SPATA31C2: variants seen among roughly 807,000 people sequenced by gnomAD.
The protein encoded by SPATA31C2 is SPATA31 subfamily C member 2.
In SPATA31C2, 5 loss-of-function variants were observed where a neutral mutation model predicts 11.4. That is an observed-to-expected ratio of 0.44 (90% CI 0.23 to 0.92). The LOEUF is 0.92. SPATA31C2 is among the 40% of genes least tolerant of loss of function. SPATA31C2 has a pLI of 0.24. For synonymous variants in SPATA31C2, 515 were observed against 538.7 expected, an observed-to-expected ratio of 0.96 and a Z score of 0.61; for missense variants, 1,353 against 1,368.6, an observed-to-expected ratio of 0.99 and a Z score of 0.18.
intron 1 of SPATA31C2, among the ~76,000 whole-genome samples, chr9:88,137,223 G>A (rs1825693334): frequency 6.7e-6 from 1 of 148,588 alleles, no homozygotes. Flanking sequence ...ACAACCAACT[G>A]ACTTTTGAAA....
Position 88,131,372 on chromosome 9 carries a change from C to T in SPATA31C2, c.1665G>A (p.Leu555=). 6.2e-7 allele frequency: 1 copy of T among 1,612,000 alleles called. No individual in the cohort carries two copies. The highest frequency in any genetic ancestry group is 8.5e-7 in the Non-Finnish European group (1 of 1,179,860). ...EESERNLRKP[L]RSDSGSDLLR... Reference sequence around the variant, plus strand: ...ATAAATCACTTCCTGAGTCACTCCTCAAGGGCTTCCTCAGGTTCCTTTCCG... The same window carrying T: ...ATAAATCACTTCCTGAGTCACTCCTTAAGGGCTTCCTCAGGTTCCTTTCCG... The change falls in exon 4 of 4, where the codon TTG becomes TTA. Residue 555 remains leucine (L), a synonymous_variant. Transcript: ENST00000324915.
chr9:88,130,863 A>T lies in SPATA31C2; in HGVS notation c.2174T>A (p.Val725Asp), dbSNP rs1459602279. 6.2e-7 allele frequency: 1 copy of T among 1,613,684 alleles called. No individual in the cohort carries two copies. Among genetic ancestry groups the T allele is most frequent in the Non-Finnish European group, 8.5e-7 (1 of 1,179,868 alleles). The change falls in exon 4 of 4, where the codon GTT becomes GAT. Residue 725 changes from valine to aspartate, a missense_variant. Transcript: ENST00000324915. ...LRKQVLTKPSVHMPERLQASS... is the reference protein window; with the variant it reads ...LRKQVLTKPSDHMPERLQASS... ...GGCCTGAAGCCTCTCTGGCATGTGA[A>T]CAGATGGTTTGGTCAGCACCTGCTT... is the stretch of plus-strand genomic sequence containing the variant.
chr9:88,136,463 A>T (rs578135939), intron 1 of SPATA31C2, among the ~76,000 whole-genome samples: 6 of 145,538 alleles, frequency 4.1e-5, no homozygotes, highest in Admixed American at 1.5e-4. Flanking sequence ...GATATGGTTT[A>T]TCAGGTGTGG....
At position 88,132,471 on chromosome 9, in the gene SPATA31C2, G is replaced by A; in HGVS notation, c.566C>T (p.Ala189Val). 1 of 1,611,270 alleles carries A rather than the reference G, an allele frequency of 6.2e-7. No homozygotes were observed. Among genetic ancestry groups the A allele is most frequent in the Non-Finnish European group, 8.5e-7 (1 of 1,178,126 alleles). ...AAGGGAAGGTTCTGGTGGCTGGGAG[G>A]CACTTAGGGAGGAGACTGAGGTGGT... ...PMTTSVSSLS[A>V]SQPPEPSLLL... is the part of the protein sequence containing the mutation. The change falls in exon 4 of 4, where the codon GCC (alanine) becomes GTC (valine). Residue 189 changes from alanine to valine, a missense_variant. This residue lies in a region of SPATA31C2 where 1,075 missense variants were observed against 992.8 expected (regional missense o/e 1.08). Transcript: ENST00000324915.
At position 88,129,974 on chromosome 9, in the gene SPATA31C2, A is replaced by G; in HGVS notation, c.3063T>C (p.Phe1021=). The G allele has an allele frequency of 6.2e-7, 1 of 1,608,418 alleles. No individual in the cohort carries two copies. The highest frequency in any genetic ancestry group is 8.5e-7 in the Non-Finnish European group (1 of 1,176,318). The part of the protein sequence containing the change: ...ENIKQFFQTI[F]SKKERKPAPV... ...GTGCTGGCTTCCTTTCTTTCTTTGAAAAAATCGTCTGAAAAAATTGCTTGA... is the reference window on the plus strand; with the variant it reads ...GTGCTGGCTTCCTTTCTTTCTTTGAGAAAATCGTCTGAAAAAATTGCTTGA... Residue 1021 remains phenylalanine (F), a synonymous_variant, in exon 4 of 4, where the codon TTT becomes TTC. Transcript: ENST00000324915.
chr9:88,131,329 T>G lies in SPATA31C2; in HGVS notation c.1708A>C (p.Asn570His). The G allele has an allele frequency of 6.2e-7, 1 of 1,611,928 alleles. No homozygotes were observed. The highest frequency in any genetic ancestry group is 2.2e-5 in the East Asian group (1 of 44,814). Reference sequence around the variant, plus strand: ...GCTTTCAGGATGTTTTCTATATGATTCCTCTCTGTGCGTCTTAATAAATCA... The same window carrying G: ...GCTTTCAGGATGTTTTCTATATGATGCCTCTCTGTGCGTCTTAATAAATCA... ...GSDLLRRTERNHIENILKAHM... is the reference protein window; with the variant it reads ...GSDLLRRTERHHIENILKAHM... The change falls in exon 4 of 4, where the codon AAT (asparagine) becomes CAT (histidine). Residue 570 changes from asparagine to histidine, a missense_variant. Transcript: ENST00000324915.
At chr9:88,137,484 T>C (rs1825696585) in intron 1 of SPATA31C2, among the ~76,000 whole-genome samples, 1 of 144,202 alleles carries the variant, frequency 6.9e-6, no homozygotes, top group Non-Finnish European at 1.5e-5. Flanking sequence ...TAGCCAGGCG[T>C]GGTGGCGGGC....
chr9:88,133,507 G>A, intron 2 of SPATA31C2, 87 bp downstream of exon 2: 1 of 1,549,326 alleles, frequency 6.5e-7, no homozygotes, highest in Non-Finnish European at 8.7e-7. Flanking sequence ...CCCCACCTCA[G>A]GTTTTTTCAA....
In SPATA31C2 at chr9:88,132,331, G is replaced by C. The variant is rs376631628; in HGVS notation, c.706C>G (p.Arg236Gly). The change falls in exon 4 of 4, where the codon CGG becomes GGG. Residue 236 changes from arginine (R) to glycine (G), a missense_variant. Arg to Gly is a moderately radical substitution (Grantham distance 125). Transcript: ENST00000324915. The stretch of plus-strand genomic sequence containing the variant: ...GATGGTGTTAACAGAGTGGAGTCCC[G>C]CAGGGGAGGAGGAGTGAAGCCTTTC... ...PPKGFTPPPL[R>G]DSTLLTPSHC... 7 of 1,610,812 alleles carry C rather than the reference G, an allele frequency of 4.3e-6. No individual in the cohort carries two copies. In the African/African-American group the frequency reaches 9.4e-5, roughly 22 times the overall value.
chr9:88,136,771 G>C lies in SPATA31C2; in HGVS notation c.189+1487C>G, dbSNP rs868424630. ...TTCTTATTGTCTACCATCCCCAGGT[G>C]ATATCTGATCACTCTGGCATGGCTT... On this transcript the variant is annotated intron_variant, in intron 1 of 3. Transcript: ENST00000324915. 3.6e-3 allele frequency among the ~76,000 whole-genome samples: 477 copies of C among 133,270 alleles called. 1 individual carries two copies. Among genetic ancestry groups the C allele is most frequent in the African/African-American group, 0.012 (410 of 34,212 alleles). The allele number at this position is 133,270 out of a possible 152,430, so 87.4% of individuals were successfully genotyped here. A position where few individuals can be genotyped will look rare whatever the true frequency, so the allele number is the denominator to read the frequency against.
rs1563962627 is a variant in SPATA31C2 at position 88,132,312 on chromosome 9, G to A, written c.725C>T (p.Thr242Ile). 1 of 1,610,916 alleles carries A rather than the reference G, an allele frequency of 6.2e-7. No individual in the cohort carries two copies. The highest frequency in any genetic ancestry group is 1.1e-5 in the South Asian group (1 of 91,034). ...TGCCACTGAGTCACAGTGAGATGGT[G>A]TTAACAGAGTGGAGTCCCGCAGGGG... ...PPPLRDSTLL[T>I]PSHCDSVALP... Residue 242 changes from threonine to isoleucine, a missense_variant, in exon 4 of 4, where the codon ACA becomes ATA. This residue lies in a region of SPATA31C2 where 1,075 missense variants were observed against 992.8 expected (regional missense o/e 1.08). Transcript: ENST00000324915.
rs1186767051 is a variant in SPATA31C2 at position 88,131,373 on chromosome 9, A to G, written c.1664T>C (p.Leu555Ser). 6.2e-6 allele frequency: 10 copies of G among 1,611,878 alleles called. No individual in the cohort carries two copies. Among genetic ancestry groups the G allele is most frequent in the Non-Finnish European group, 8.5e-6 (10 of 1,179,852 alleles). ...EESERNLRKP[L>S]RSDSGSDLLR... ...TAAATCACTTCCTGAGTCACTCCTC[A>G]AGGGCTTCCTCAGGTTCCTTTCCGA... The change falls in exon 4 of 4, where the codon TTG becomes TCG. Residue 555 changes from leucine (L) to serine (S), a missense_variant. By Grantham distance (145) the Leu-to-Ser change is moderately radical. This residue lies in a region of SPATA31C2 where 1,075 missense variants were observed against 992.8 expected (regional missense o/e 1.08). Coordinates refer to ENST00000324915, the MANE Select transcript of SPATA31C2 (RefSeq NM_001350978.3).
At chr9:88,133,861 G>A (rs1004942179) in intron 1 of SPATA31C2, among the ~76,000 whole-genome samples, 192 bp from the exon 2 acceptor site, 4 of 152,160 alleles carry the variant, frequency 2.6e-5, no homozygotes, top group Non-Finnish European at 5.9e-5. Context: ...GGAAGAGGGG[G>A]TCGGGTGCAG....
rs1825584442 is a variant in SPATA31C2, at chr9:88,131,141, G to A, written c.1896C>T (p.Ala632=). The change falls in exon 4 of 4, where the codon GCC becomes GCT. Residue 632 remains alanine (A), a synonymous_variant. Transcript: ENST00000324915. The part of the protein sequence containing the change: ...PKSRKACVNT[A]QVLSFLEPCT... ...ACGGCTCAAGGAAGGAAAGCACCTG[G>A]GCTGTGTTCACACAGGCTTTCCTGC... 1.2e-6 allele frequency: 2 copies of A among 1,612,022 alleles called. No homozygotes were observed. The highest frequency in any genetic ancestry group is 1.7e-6 in the Non-Finnish European group (2 of 1,179,870).
At chr9:88,137,173 T>TA (rs1269747890) in intron 1 of SPATA31C2, among the ~76,000 whole-genome samples, 1 of 146,098 alleles carries the variant, frequency 6.8e-6, no homozygotes, top group African/African-American at 2.5e-5. Flanking sequence ...GACAGTTCAA[T>TA]AAAACAGAAT....
In SPATA31C2 at chr9:88,129,803, T is replaced by C; in HGVS notation, c.3234A>G (p.Val1078=). Residue 1078 remains valine (V), a synonymous_variant, in exon 4 of 4, where the codon GTA becomes GTG. Coordinates refer to ENST00000324915, the MANE Select transcript of SPATA31C2 (RefSeq NM_001350978.3). Reference sequence around the variant, plus strand: ...CTTGAAACTGCTGTCTTTGCTGATTTACCTTCGAGGCATGGCGCGCATGGC... The same window carrying C: ...CTTGAAACTGCTGTCTTTGCTGATTCACCTTCGAGGCATGGCGCGCATGGC... ...SLCHARHASK[V]NQQRQQFQAP... The C allele has an allele frequency of 6.2e-7, 1 of 1,604,406 alleles. No homozygotes were observed. The highest frequency in any genetic ancestry group is 8.5e-7 in the Non-Finnish European group (1 of 1,173,750).
chr9:88,136,280 T>C (rs1210228461), intron 1 of SPATA31C2, among the ~76,000 whole-genome samples: 1 of 144,488 alleles, frequency 6.9e-6, no homozygotes, highest in Non-Finnish European at 1.5e-5. Context: ...TTAAAAGGAC[T>C]GGCATTCCTC....
Position 88,129,551 on chromosome 9 carries a change from G to A in SPATA31C2, c.*81C>T, listed in dbSNP as rs1825546444. On this transcript the variant is annotated 3_prime_UTR_variant, in exon 4 of 4. Transcript: ENST00000324915. The stretch of plus-strand genomic sequence containing the variant: ...GCCGGTGCTGAGGGGGACTGACTGG[G>A]GATACAGCTTTCTTGGGGAGCAAGA... 3.7e-6 allele frequency: 6 copies of A among 1,600,432 alleles called. No individual in the cohort carries two copies. Among genetic ancestry groups the A allele is most frequent in the Non-Finnish European group, 5.1e-6 (6 of 1,172,286 alleles).
chr9:88,129,826 G>A lies in SPATA31C2; in HGVS notation c.3211C>T (p.His1071Tyr). ...TTTACCTTCGAGGCATGGCGCGCATGGCAAAGTGACATGTTCTCCTCCAGT... is the reference window on the plus strand; with the variant it reads ...TTTACCTTCGAGGCATGGCGCGCATAGCAAAGTGACATGTTCTCCTCCAGT... The part of the protein sequence containing the change: ...QILEENMSLC[H>Y]ARHASKVNQQ... Residue 1071 changes from histidine (H) to tyrosine (Y), a missense_variant, in exon 4 of 4, where the codon CAT becomes TAT. His to Tyr is a moderately conservative substitution (Grantham distance 83). Coordinates refer to ENST00000324915, the MANE Select transcript of SPATA31C2 (RefSeq NM_001350978.3). The A allele has an allele frequency of 6.2e-7, 1 of 1,604,632 alleles. No individual in the cohort carries two copies. Among genetic ancestry groups the A allele is most frequent in the African/African-American group, 1.3e-5 (1 of 74,804 alleles).
Sources: allele counts gnomAD v4.1 joint callset (sites outside exome capture counted in the v4.1 genomes callset), GRCh38; gene constraint gnomAD v4.1.1; regional missense constraint gnomAD v4.1.1; transcripts MANE v1.5; gene names NCBI Gene and HGNC (gene_info 2026-07-23, HGNC 2026-07-21).